OXR1: variants seen among roughly 807,000 people sequenced by gnomAD.
OXR1 encodes oxidation resistance protein 1.
A neutral mutation model predicts 104.6 loss-of-function variants in OXR1; 41 were observed. The observed-to-expected ratio is 0.39, with a 90% CI of 0.31 to 0.51. The LOEUF (loss-of-function observed/expected upper bound fraction) is 0.51. Ranked by LOEUF, OXR1 falls within the 20% of genes least tolerant of loss-of-function variation. The probability of loss-of-function intolerance (pLI) is 0.77; values close to 1 mark genes in which losing one functional copy is unlikely to be tolerated. For missense variants in OXR1, 955 were observed against 1,031.9 expected, an observed-to-expected ratio of 0.93 and a Z score of 1.02; for synonymous variants, 348 against 348.4, an observed-to-expected ratio of 1.00 and a Z score of 0.01.
intron 3 of OXR1, among the ~76,000 whole-genome samples, chr8:106,634,412 A>G (rs1050203318): frequency 6.6e-6 from 1 of 152,228 alleles, no homozygotes; most frequent in Non-Finnish European, 1.5e-5. Context: ...ATAGTAGCAT[A>G]TATTTATTGA....
At chr8:106,497,186 A>G (rs1472787747) in intron 2 of OXR1, among the ~76,000 whole-genome samples, 1 of 152,212 alleles carries the variant, frequency 6.6e-6, no homozygotes, top group Non-Finnish European at 1.5e-5. Flanking sequence ...AGCACTTAAC[A>G]TGGGGCAGTT....
intron 3 of OXR1, among the ~76,000 whole-genome samples, chr8:106,574,362 C>T (rs1817679871): frequency 6.6e-6 from 1 of 152,130 alleles, no homozygotes. Flanking sequence ...CTGGTAACTT[C>T]TCTCCCACTC....
intron 1 of OXR1, among the ~76,000 whole-genome samples, chr8:106,330,464 A>G (rs1563721292): frequency 6.6e-6 from 1 of 152,186 alleles, no homozygotes; most frequent in Non-Finnish European, 1.5e-5. Flanking sequence ...ATGAAAAAAA[A>G]GTTGTATGAT....
intron 4 of OXR1, 66 bp downstream of exon 4, chr8:106,679,358 T>C: frequency 1.3e-6 from 1 of 749,308 alleles, no homozygotes; most frequent in African/African-American, 1.8e-5. Flanking sequence ...CATTCTCTGT[T>C]TATACTATAA....
chr8:106,507,350 T>A (rs185576839), intron 2 of OXR1, among the ~76,000 whole-genome samples: 1,896 of 152,302 alleles, frequency 0.012, 30 homozygotes, highest in East Asian at 0.08. Flanking sequence ...GATTAAGTAA[T>A]TTGCCCAAGA....
At chr8:106,616,190 C>T (rs1170189046) in intron 3 of OXR1, among the ~76,000 whole-genome samples, 1 of 149,938 alleles carries the variant, frequency 6.7e-6, no homozygotes, top group African/African-American at 2.5e-5. Context: ...TACAGGTGCC[C>T]GCCACCATGC....
chr8:106,549,242 A>G lies in OXR1; in HGVS notation c.220+30103A>G, dbSNP rs1815613345. ...TATTTTCCCATCACAAACATATCAAACATTTTTTTTTTTTTTTGCAGTTAG... is the reference window on the plus strand; with the variant it reads ...TATTTTCCCATCACAAACATATCAAGCATTTTTTTTTTTTTTTGCAGTTAG... On this transcript the variant is annotated intron_variant, in intron 3 of 16. Coordinates refer to ENST00000517566, the MANE Select transcript of OXR1 (RefSeq NM_001198533.2). Among the ~76,000 whole-genome samples the G allele has an allele frequency of 6.8e-5, 9 of 133,110 alleles. No individual in the cohort carries two copies. In the South Asian group the frequency reaches 2.3e-3, roughly 34 times the overall value. The allele number at this position is 133,110 out of a possible 152,430, so 87.3% of individuals were successfully genotyped here. A position where few individuals can be genotyped will look rare whatever the true frequency, so the allele number is the denominator to read the frequency against.
intron 2 of OXR1, among the ~76,000 whole-genome samples, chr8:106,384,124 TG>T (rs1817270069): frequency 6.6e-6 from 1 of 152,170 alleles, no homozygotes; most frequent in South Asian, 2.1e-4. Context: ...AAATGATGCT[TG>T]TCTATAAAAA....
At chr8:106,438,886 C>G (rs1413456941) in intron 2 of OXR1, among the ~76,000 whole-genome samples, 1 of 152,040 alleles carries the variant, frequency 6.6e-6, no homozygotes, top group Non-Finnish European at 1.5e-5. Flanking sequence ...CTCTAAGTAC[C>G]TCAGCCCCCA....
At chr8:106,750,151 CAT>C (rs1835752160) in intron 16 of OXR1, among the ~76,000 whole-genome samples, 2 of 125,340 alleles carry the variant, frequency 1.6e-5, no homozygotes, top group Non-Finnish European at 3.6e-5. Flanking sequence ...TAAACACACA[CAT>C]ACACAAAAAA....
At chr8:106,286,373 GT>G (rs3044299) in intron 1 of OXR1, among the ~76,000 whole-genome samples, 20,369 of 137,928 alleles carry the variant, frequency 0.15, 1,588 homozygotes, top group African/African-American at 0.24. Flanking sequence ...TTAAGTTAGG[GT>G]TTTTTTTTTT....
chr8:106,626,234 T>G (rs1320528823), intron 3 of OXR1, among the ~76,000 whole-genome samples: 1 of 151,886 alleles, frequency 6.6e-6, no homozygotes, highest in East Asian at 1.9e-4. Flanking sequence ...TAAAAAGATA[T>G]TATATAGAAG....
intron 3 of OXR1, among the ~76,000 whole-genome samples, chr8:106,674,356 T>C (rs745420908): frequency 6.6e-6 from 1 of 152,230 alleles, no homozygotes; most frequent in Non-Finnish European, 1.5e-5. Context: ...GTAGTCCCTT[T>C]GGTTTGCCTA....
Position 106,571,149 on chromosome 8 carries a change from A to T in OXR1, c.220+52010A>T, listed in dbSNP as rs78248065. ...GATATCCACCAAGGTAGCTACAACT[A>T]AATGGAAACATTGGGTTTTACATTA... On this transcript the variant is annotated intron_variant, in intron 3 of 16. Transcript: ENST00000517566. Among the ~76,000 whole-genome samples, 344 of 152,162 alleles carry T rather than the reference A, an allele frequency of 2.3e-3. 2 individuals carry two copies. The highest frequency in any genetic ancestry group is 8.0e-3 in the African/African-American group (331 of 41,510).
intron 3 of OXR1, among the ~76,000 whole-genome samples, chr8:106,671,672 C>T (rs1826995297): frequency 6.6e-6 from 1 of 151,880 alleles, no homozygotes; most frequent in Admixed American, 6.6e-5. Flanking sequence ...TTTGCAGGGA[C>T]ATGGATGAAG....
intron 2 of OXR1, among the ~76,000 whole-genome samples, chr8:106,465,080 A>T (rs569108456): frequency 6.6e-6 from 1 of 152,136 alleles, no homozygotes; most frequent in South Asian, 2.1e-4. Context: ...GAGAAAAATA[A>T]AAAATGGAAG....
intron 2 of OXR1, among the ~76,000 whole-genome samples, chr8:106,455,105 G>A (rs569993998): frequency 2.8e-4 from 42 of 152,276 alleles, no homozygotes; most frequent in African/African-American, 1.0e-3. Context: ...GTGGTTTAGA[G>A]TTCCAGAGTT....
chr8:106,299,066 C>A (rs1813124261), intron 1 of OXR1, among the ~76,000 whole-genome samples: 1 of 151,664 alleles, frequency 6.6e-6, no homozygotes, highest in Admixed American at 6.6e-5. Flanking sequence ...ACAATCAAAC[C>A]CCAAATCTCA....
chr8:106,662,970 T>A (rs1825919096), intron 3 of OXR1, among the ~76,000 whole-genome samples: 1 of 152,090 alleles, frequency 6.6e-6, no homozygotes, highest in African/African-American at 2.4e-5. Context: ...TACATGATGC[T>A]CAAAGGAAAT....
Sources: gnomAD v4.1 joint callset for allele counts (sites outside exome capture counted in the v4.1 genomes callset) on GRCh38, gnomAD v4.1.1 for gene constraint, MANE v1.5 for transcripts, NCBI Gene and HGNC (gene_info 2026-07-23, HGNC 2026-07-21) for gene names.